The following PBX1 variants were observed in gnomAD, a reference collection of about 807,000 sequenced individuals.
The protein encoded by PBX1 is pre-B-cell leukemia transcription factor 1.
A neutral mutation model predicts 53.4 loss-of-function variants in PBX1; 6 were observed. The observed-to-expected ratio is 0.11, with a 90% CI of 0.06 to 0.22. PBX1 has a LOEUF of 0.22. PBX1 is among the 10% of genes least tolerant of loss of function. The pLI is 1.00. For synonymous variants in PBX1, 204 were observed against 212.3 expected, an observed-to-expected ratio of 0.96 and a Z score of 0.34; for missense variants, 251 against 551.4, an observed-to-expected ratio of 0.46 and a Z score of 5.46.
At chr1:164,759,442 C>T (rs985668212) in intron 2 of PBX1, among the ~76,000 whole-genome samples, 4 of 152,186 alleles carry the variant, frequency 2.6e-5, no homozygotes, top group Non-Finnish European at 4.4e-5. Context: ...ACTCCTTGCA[C>T]CCCGGGTGAC....
chr1:164,664,679 G>C (rs1660703018), intron 2 of PBX1, among the ~76,000 whole-genome samples: 1 of 152,222 alleles, frequency 6.6e-6, no homozygotes. Flanking sequence ...CCAAAGGAAA[G>C]AGGCTTAATG....
chr1:164,725,486 G>A (rs560866349), intron 2 of PBX1, among the ~76,000 whole-genome samples: 114 of 151,930 alleles, frequency 7.5e-4, no homozygotes, highest in Middle Eastern at 3.4e-3. Flanking sequence ...CTTGATCTGC[G>A]TGCTTCCCCT....
At chr1:164,754,127 G>A (rs1666375236) in intron 2 of PBX1, among the ~76,000 whole-genome samples, 1 of 152,174 alleles carries the variant, frequency 6.6e-6, no homozygotes, top group Admixed American at 6.5e-5. Context: ...GTGATAGTGT[G>A]TGCCCACTGC....
intron 2 of PBX1, among the ~76,000 whole-genome samples, chr1:164,716,871 T>C: frequency 6.6e-6 from 1 of 152,184 alleles, no homozygotes; most frequent in East Asian, 1.9e-4. Context: ...CAGTTCAACA[T>C]GGAACATAAT....
At chr1:164,791,255 G>A (rs1213387916) in intron 2 of PBX1, among the ~76,000 whole-genome samples, 1 of 152,158 alleles carries the variant, frequency 6.6e-6, no homozygotes, top group African/African-American at 2.4e-5. Flanking sequence ...TCGCTCTTCT[G>A]CTGATTTACT....
chr1:164,786,681 CTGTGTGTGTGTGTGTGTG>C (rs74747780), intron 2 of PBX1, among the ~76,000 whole-genome samples: 10 of 140,614 alleles, frequency 7.1e-5, no homozygotes, highest in South Asian at 2.5e-4. Flanking sequence ...TCAGAAGAGA[CTGTGTGTGTGTGTGTGTG>C]TGTGTGTGTG....
At chr1:164,763,724 G>A (rs1666922884) in intron 2 of PBX1, among the ~76,000 whole-genome samples, 1 of 152,144 alleles carries the variant, frequency 6.6e-6, no homozygotes, top group Non-Finnish European at 1.5e-5. Context: ...TTGCTGTATT[G>A]GGTGTAATTG....
intron 2 of PBX1, among the ~76,000 whole-genome samples, chr1:164,620,689 CT>C (rs71097542): frequency 0.064 from 9,521 of 149,354 alleles, 798 homozygotes; most frequent in East Asian, 0.38. Flanking sequence ...CTTTTCTTTT[CT>C]TTTTTTTTTT....
At chr1:164,769,721 T>G (rs1571370373) in intron 2 of PBX1, 1 of 152,202 alleles carries the variant, frequency 6.6e-6, no homozygotes, top group East Asian at 1.9e-4. Flanking sequence ...GTGATGAAAC[T>G]CTATAGTACT....
intron 2 of PBX1, among the ~76,000 whole-genome samples, chr1:164,584,244 T>C (rs1318076278): frequency 6.6e-6 from 1 of 152,028 alleles, no homozygotes; most frequent in East Asian, 1.9e-4. Context: ...TGCATACCTA[T>C]AAATCCCAGC....
In PBX1 at chr1:164,848,509, T is replaced by G. The variant is rs1366986699; in HGVS notation, c.*1833T>G. 1.0e-5 allele frequency: 11 copies of G among 1,059,034 alleles called. No homozygotes were observed. In the East Asian group the frequency reaches 5.7e-4, roughly 55 times the overall value. 65.6% of individuals were successfully genotyped at this position (1,059,034 alleles called of 1,614,324 possible). On this transcript the variant is annotated 3_prime_UTR_variant, in exon 9 of 9. Transcript: ENST00000420696. ...CATGCCATCTAGGGACAATAAATGG[T>G]TTTCTTGTTGTAACTTCTGGTTAAT... is the stretch of plus-strand genomic sequence containing the variant.
At chr1:164,563,204 C>T in intron 1 of PBX1, 34 bp from the exon 2 acceptor site, 1 of 1,475,686 alleles carries the variant, frequency 6.8e-7, no homozygotes, top group Non-Finnish European at 9.4e-7. Context: ...TCTTGAGAGT[C>T]CACCTAAGCT....
At chr1:164,581,696 A>G (rs1654628730) in intron 2 of PBX1, among the ~76,000 whole-genome samples, 1 of 152,238 alleles carries the variant, frequency 6.6e-6, no homozygotes, top group Admixed American at 6.5e-5. Flanking sequence ...ATTTCATGTT[A>G]AAACTTACTG....
intron 2 of PBX1, among the ~76,000 whole-genome samples, chr1:164,602,709 G>GAAA (rs113484614): frequency 2.3e-3 from 268 of 118,252 alleles, no homozygotes; most frequent in African/African-American, 7.7e-3. Context: ...CAAACAGATT[G>GAAA]AAAAAAAAAA....
At chr1:164,588,815 A>G (rs1333536786) in intron 2 of PBX1, among the ~76,000 whole-genome samples, 4 of 152,104 alleles carry the variant, frequency 2.6e-5, no homozygotes, top group Non-Finnish European at 5.9e-5. Context: ...TCTTAAGCTC[A>G]GCCCCCTTTA....
intron 2 of PBX1, among the ~76,000 whole-genome samples, chr1:164,620,138 G>C (rs1657572378): frequency 6.6e-6 from 1 of 152,164 alleles, no homozygotes; most frequent in Non-Finnish European, 1.5e-5. Context: ...AGGCTGCAGT[G>C]AGCCATGATT....
Position 164,694,949 on chromosome 1 carries a change from TCTGAGGCCTG to T in PBX1, c.266-97543_266-97534del, listed in dbSNP as rs1344315544. On this transcript the variant is annotated intron_variant, in intron 2 of 8. Transcript: ENST00000420696. ...TAATATCCTTAAGCAGCCCATCGCA[TCTGAGGCCTG>T]CCAGGAGACTCTTAACATGCTAACC... 2.0e-5 allele frequency among the ~76,000 whole-genome samples: 3 copies of T among 152,304 alleles called. No homozygotes were observed. In the South Asian group the frequency reaches 6.2e-4, roughly 32 times the overall value.
At chr1:164,758,797 A>G (rs1417572748) in intron 2 of PBX1, among the ~76,000 whole-genome samples, 1 of 152,062 alleles carries the variant, frequency 6.6e-6, no homozygotes, top group Non-Finnish European at 1.5e-5. Context: ...AGTCAATTCC[A>G]TAGCATGAGC....
chr1:164,797,418 AAATTTCAGCT>A (rs1668842281), intron 3 of PBX1, among the ~76,000 whole-genome samples: 1 of 152,166 alleles, frequency 6.6e-6, no homozygotes, highest in Non-Finnish European at 1.5e-5. Flanking sequence ...TGTGGTCTCC[AAATTTCAGCT>A]AACTTGCTGC....
Sources: allele counts gnomAD v4.1 joint callset (sites outside exome capture counted in the v4.1 genomes callset), GRCh38; gene constraint gnomAD v4.1.1; transcripts MANE v1.5; gene names NCBI Gene and HGNC (gene_info 2026-07-23, HGNC 2026-07-21).